SLC1A4: variants seen among roughly 807,000 people sequenced by gnomAD.
SLC1A4 encodes solute carrier family 1 member 4, also known as neutral amino acid transporter A.
Under a neutral mutation model 37.7 loss-of-function variants are expected in SLC1A4, and 19 were observed. The ratio of observed to expected loss-of-function variants is 0.50; its 90% CI spans 0.35 to 0.74. The LOEUF (loss-of-function observed/expected upper bound fraction) is 0.74. Among genes scored for constraint, SLC1A4 ranks in the 30% least tolerant of loss-of-function variants. The probability of loss-of-function intolerance (pLI) is 0.01; values close to 1 mark genes in which losing one functional copy is unlikely to be tolerated. For synonymous variants in SLC1A4, 299 were observed against 309.8 expected (o/e 0.97, Z 0.37); for missense variants, 570 against 712.9 (o/e 0.80, Z 2.28).
intron 1 of SLC1A4, among the ~76,000 whole-genome samples, chr2:64,993,358 A>G (rs1673133070): frequency 6.6e-6 from 1 of 152,238 alleles, no homozygotes. Context: ...GGTATTCATT[A>G]CATGTGTATA....
chr2:65,010,387 AT>A (rs1009445780), intron 3 of SLC1A4, among the ~76,000 whole-genome samples: 5 of 152,168 alleles, frequency 3.3e-5, no homozygotes, highest in African/African-American at 9.7e-5. Flanking sequence ...ACTAGAAGAA[AT>A]TTTTGCTTGT....
chr2:64,992,455 C>T (rs1220994275), intron 1 of SLC1A4, among the ~76,000 whole-genome samples: 1 of 152,196 alleles, frequency 6.6e-6, no homozygotes, highest in Non-Finnish European at 1.5e-5. Context: ...CTAAGAGAGG[C>T]TTTGTTGTGG....
At chr2:64,997,262 T>C (rs563366036) in intron 1 of SLC1A4, among the ~76,000 whole-genome samples, 2 of 152,356 alleles carry the variant, frequency 1.3e-5, no homozygotes, top group South Asian at 4.1e-4. Context: ...TGAATGTACG[T>C]ATTTTTTAGT....
chr2:64,999,779 G>C (rs141829131), intron 1 of SLC1A4: 90 of 151,954 alleles, frequency 5.9e-4, no homozygotes, highest in African/African-American at 2.0e-3. Context: ...TAACATAGCA[G>C]CTTGCTTCAT....
chr2:65,002,570 C>CTTTTTTT (rs70937394), intron 2 of SLC1A4, among the ~76,000 whole-genome samples: 22 of 59,048 alleles, frequency 3.7e-4, no homozygotes, highest in African/African-American at 5.3e-4. Context: ...TGTGACCATT[C>CTTTTTTT]TTTTTTTTTT....
chr2:65,019,595 G>A (rs553078167), intron 7 of SLC1A4, among the ~76,000 whole-genome samples: 34 of 152,312 alleles, frequency 2.2e-4, no homozygotes, highest in African/African-American at 7.7e-4. Context: ...CTGGGCTCAC[G>A]GACTGGCCTG....
intron 4 of SLC1A4, among the ~76,000 whole-genome samples, chr2:65,014,979 C>A (rs1279854647): frequency 6.6e-6 from 1 of 152,242 alleles, no homozygotes; most frequent in Non-Finnish European, 1.5e-5. Flanking sequence ...TAGAGACATA[C>A]AACAGAATAT....
chr2:65,013,592 G>T (rs559356076), intron 4 of SLC1A4, among the ~76,000 whole-genome samples: 1 of 152,302 alleles, frequency 6.6e-6, no homozygotes, highest in Non-Finnish European at 1.5e-5. Context: ...ACATAAGCAG[G>T]TATTCAGTAA....
At chr2:64,996,923 T>C (rs1020728435) in intron 1 of SLC1A4, among the ~76,000 whole-genome samples, 8 of 152,144 alleles carry the variant, frequency 5.3e-5, no homozygotes, top group African/African-American at 1.9e-4. Context: ...GCAAAACTGT[T>C]TGCCAGAGAG....
intron 1 of SLC1A4, among the ~76,000 whole-genome samples, chr2:64,992,052 A>T (rs575073248): frequency 1.3e-5 from 2 of 152,348 alleles, no homozygotes; most frequent in East Asian, 3.9e-4. Context: ...GTGAGTGCTG[A>T]AAAGAAGTCT....
chr2:65,016,546 T>C lies in SLC1A4; in HGVS notation c.907T>C (p.Leu303=), dbSNP rs139389995. 57 of 1,614,074 alleles carry C rather than the reference T, an allele frequency of 3.5e-5. No individual in the cohort carries two copies. Among genetic ancestry groups the C allele is most frequent in the East Asian group, 6.7e-5 (3 of 44,894 alleles). ...SLGKYIFASI[L]GHVIHGGIVL... ...GGGGAAATACATCTTCGCATCTATA[T>C]TGGGCCATGTTATTCATGGAGGAAT... The change falls in exon 5 of 8, where the codon TTG becomes CTG. Residue 303 remains leucine (L), a synonymous_variant. Coordinates refer to ENST00000234256, the MANE Select transcript of SLC1A4 (RefSeq NM_003038.5).
At chr2:64,997,159 T>C (rs1673288481) in intron 1 of SLC1A4, among the ~76,000 whole-genome samples, 1 of 152,120 alleles carries the variant, frequency 6.6e-6, no homozygotes, top group Non-Finnish European at 1.5e-5. Context: ...CTTTCTATGG[T>C]GCTTCAGCTC....
rs1674525550 is a variant in SLC1A4 at position 65,023,765 on chromosome 2, A to C, written c.*2619A>C. 1 of 152,654 alleles carries C rather than the reference A, an allele frequency of 6.6e-6. No homozygotes were observed. The highest frequency in any genetic ancestry group is 1.5e-5 in the Non-Finnish European group (1 of 68,038). The allele number at this position is 152,654 out of a possible 1,614,324, so 9.5% of individuals were successfully genotyped here. The stretch of plus-strand genomic sequence containing the variant: ...TGTTCTCTTTCTAACATGTTGTGGT[A>C]AATCTGTTCAGATACTGCTCATCTG... On this transcript the variant is annotated 3_prime_UTR_variant, in exon 8 of 8. Transcript: ENST00000234256.
intron 1 of SLC1A4, among the ~76,000 whole-genome samples, chr2:64,995,338 G>A (rs555090398): frequency 1.3e-4 from 20 of 152,350 alleles, no homozygotes; most frequent in Non-Finnish European, 2.4e-4. Context: ...GAATGGTTGT[G>A]AGGATTAAAT....
chr2:65,014,494 G>T (rs1451005722), intron 4 of SLC1A4, among the ~76,000 whole-genome samples: 1 of 152,180 alleles, frequency 6.6e-6, no homozygotes, highest in East Asian at 1.9e-4. Flanking sequence ...GCTGTCTCAT[G>T]ACTGTAGGAT....
intron 4 of SLC1A4, among the ~76,000 whole-genome samples, chr2:65,014,079 T>G (rs930690775): frequency 1.3e-5 from 2 of 152,028 alleles, no homozygotes; most frequent in African/African-American, 4.8e-5. Flanking sequence ...GAAGAAAATA[T>G]AGAGGCAGGG....
At chr2:65,007,812 A>AT (rs1328541466) in intron 3 of SLC1A4, among the ~76,000 whole-genome samples, 2 of 152,198 alleles carry the variant, frequency 1.3e-5, no homozygotes, top group Admixed American at 6.5e-5. Context: ...CACCTTAAAC[A>AT]TTTGTCTTTT....
At chr2:64,990,505 A>C (rs1375541138) in intron 1 of SLC1A4, among the ~76,000 whole-genome samples, 2 of 152,162 alleles carry the variant, frequency 1.3e-5, no homozygotes, top group Non-Finnish European at 2.9e-5. Flanking sequence ...TCTCCCCGGT[A>C]AAAATGTTCC....
chr2:65,021,130 A>G lies in SLC1A4; in HGVS notation c.1583A>G (p.Lys528Arg), dbSNP rs1275701883. 6.2e-7 allele frequency: 1 copy of G among 1,614,020 alleles called. No individual in the cohort carries two copies. Among genetic ancestry groups the G allele is most frequent in the East Asian group, 2.2e-5 (1 of 44,888 alleles). ...GCCAGTGCCCCAGAACTGGAATCCA[A>G]GGAGTCGGTTCTGTGATGGGGCTGG... ...PVASAPELESKESVL is the reference protein window; with the variant it reads ...PVASAPELESRESVL Residue 528 changes from lysine to arginine, a missense_variant, in exon 8 of 8, where the codon AAG becomes AGG. Lys to Arg is a conservative substitution (Grantham distance 26). Transcript: ENST00000234256.
Sources: allele counts gnomAD v4.1 joint callset (sites outside exome capture counted in the v4.1 genomes callset), GRCh38; gene constraint gnomAD v4.1.1; transcripts MANE v1.5; gene names NCBI Gene and HGNC (gene_info 2026-07-23, HGNC 2026-07-21).